TRERF1: variants seen among roughly 807,000 people sequenced by gnomAD.
The protein encoded by TRERF1 is transcriptional regulating factor 1.
In TRERF1, 27 loss-of-function variants were observed where a neutral mutation model predicts 122.9. That is an observed-to-expected ratio of 0.22 (90% CI 0.16 to 0.30). The LOEUF is 0.30. TRERF1 is among the 10% of genes least tolerant of loss of function. The probability of loss-of-function intolerance (pLI) is 1.00; values close to 1 mark genes in which losing one functional copy is unlikely to be tolerated. For missense variants in TRERF1, 1,248 were observed against 1,560.3 expected (o/e 0.80, Z 3.37); for synonymous variants, 636 against 641.7 (o/e 0.99, Z 0.13).
At chr6:42,352,094 TCCCAGGC>T (rs2150837257) in intron 3 of TRERF1, among the ~76,000 whole-genome samples, 1 of 152,240 alleles carries the variant, frequency 6.6e-6, no homozygotes, top group South Asian at 2.1e-4. Context: ...AGCCTCAACC[TCCCAGGC>T]TCAGGTGGTC....
rs1307084504 is a variant in TRERF1 at position 42,259,212 on chromosome 6, C to CGT, written c.2269+126_2269+127insAC. 2.4e-6 allele frequency: 3 copies of CGT among 1,264,254 alleles called. No individual in the cohort carries two copies. The highest frequency in any genetic ancestry group is 3.1e-6 in the Non-Finnish European group (3 of 958,820). 78.3% of individuals were successfully genotyped at this position (1,264,254 alleles called of 1,614,324 possible). ...CCAAGTCTTTCTTAACACCCAGCAG[C>CGT]GCGTGCTACATACAGCCAATACTCC... On this transcript the variant is annotated intron_variant, in intron 9 of 17. Coordinates refer to ENST00000372922, the Ensembl canonical transcript of TRERF1. The surrounding 1 kb of genome is among the most constrained non-coding windows in gnomAD (Gnocchi z 4.9).
intron 3 of TRERF1, among the ~76,000 whole-genome samples, chr6:42,357,630 C>A (rs1770854443): frequency 1.3e-5 from 2 of 152,188 alleles, no homozygotes; most frequent in Admixed American, 1.3e-4. Context: ...AGGAAGGCAA[C>A]CAACTTGCTT....
chr6:42,374,150 A>AAGAAGAAGAAGAAGAAGAAG (rs1554193491), intron 2 of TRERF1, among the ~76,000 whole-genome samples: 44 of 144,026 alleles, frequency 3.1e-4, no homozygotes, highest in African/African-American at 9.8e-4. Context: ...AAAAAAAAAA[A>AAGAAGAAGAAGAAGAAGAAG]AAGAAGAAGA....
intron 2 of TRERF1, among the ~76,000 whole-genome samples, chr6:42,411,929 G>A (rs1348263890): frequency 3.3e-5 from 5 of 151,796 alleles, no homozygotes; most frequent in Admixed American, 2.0e-4. Context: ...TGCAGACACC[G>A]TGGATTCTGT....
At position 42,315,935 on chromosome 6, in the gene TRERF1, G is replaced by A. The variant is rs769947931; in HGVS notation, c.-370-15186C>T. ...AGAGGACCCCCACACCTACCCTCAC[G>A]GTACCTGGAAGATGCACATGAGGAC... On this transcript the variant is annotated intron_variant, in intron 3 of 17. Coordinates refer to ENST00000372922, the Ensembl canonical transcript of TRERF1. 2.0e-5 allele frequency among the ~76,000 whole-genome samples: 3 copies of A among 152,196 alleles called. No individual in the cohort carries two copies. In the Middle Eastern group the frequency reaches 0.01, roughly 521 times the overall value.
rs182668211 is a variant in TRERF1 at position 42,400,474 on chromosome 6, C to T, written c.-453-37395G>A. 9.8e-5 allele frequency among the ~76,000 whole-genome samples: 15 copies of T among 152,332 alleles called. No homozygotes were observed. The East Asian group carries it at 2.7e-3, about 27-fold the overall frequency. On this transcript the variant is annotated intron_variant, in intron 2 of 17. Coordinates refer to ENST00000372922, the Ensembl canonical transcript of TRERF1. Reference sequence around the variant, plus strand: ...GGCACAAGCATTCACGATTGCTTGACACTGGCTTGCTTATTGGGGGTACAC... The same window carrying T: ...GGCACAAGCATTCACGATTGCTTGATACTGGCTTGCTTATTGGGGGTACAC...
chr6:42,286,755 C>T (rs1290979788), intron 4 of TRERF1, among the ~76,000 whole-genome samples: 4 of 128,212 alleles, frequency 3.1e-5, no homozygotes, highest in Non-Finnish European at 6.6e-5. Context: ...GGATCTAGAA[C>T]TGGAAATACC....
rs1357506065 is a variant in TRERF1 at position 42,393,068 on chromosome 6, C to T, written c.-453-29989G>A. Among the ~76,000 whole-genome samples the T allele has an allele frequency of 6.6e-6, 1 of 152,166 alleles. No homozygotes were observed. The highest frequency in any genetic ancestry group is 2.4e-5 in the African/African-American group (1 of 41,422). On this transcript the variant is annotated intron_variant, in intron 2 of 17. Coordinates refer to ENST00000372922, the Ensembl canonical transcript of TRERF1. The surrounding 1 kb of genome is among the most constrained non-coding windows in gnomAD (Gnocchi z 4.1). ...AAGAGACATGCACAGTTAACTCCCACGAGCTGGTGCGAGCCAGCTTCCACA... is the reference window on the plus strand; with the variant it reads ...AAGAGACATGCACAGTTAACTCCCATGAGCTGGTGCGAGCCAGCTTCCACA...
At chr6:42,376,997 C>T (rs1775005564) in intron 2 of TRERF1, among the ~76,000 whole-genome samples, 1 of 151,960 alleles carries the variant, frequency 6.6e-6, no homozygotes, top group Admixed American at 6.6e-5. Flanking sequence ...TCCCAAGTAG[C>T]TGGAATTACA....
chr6:42,246,566 A>AT (rs1437284541), intron 13 of TRERF1, 22 bp from the exon 14 acceptor site: 6 of 1,561,210 alleles, frequency 3.8e-6, no homozygotes, highest in Admixed American at 3.7e-5. Flanking sequence ...CACAAACATC[A>AT]TAAGAACAGC....
intron 4 of TRERF1, among the ~76,000 whole-genome samples, chr6:42,297,906 C>G (rs949938195): frequency 6.6e-6 from 1 of 152,078 alleles, no homozygotes; most frequent in African/African-American, 2.4e-5. Flanking sequence ...CCTGCAAGAA[C>G]TTCAGATTTG....
intron 4 of TRERF1, among the ~76,000 whole-genome samples, chr6:42,295,801 T>C (rs576662764): frequency 1.3e-5 from 2 of 152,284 alleles, no homozygotes; most frequent in East Asian, 3.9e-4. Context: ...CATTCTTTTA[T>C]AGTACTTGCC....
chr6:42,301,444 G>C (rs1381600922), intron 3 of TRERF1, among the ~76,000 whole-genome samples: 1 of 152,194 alleles, frequency 6.6e-6, no homozygotes, highest in Non-Finnish European at 1.5e-5. Flanking sequence ...TGGCCAGGCT[G>C]GTCTTGCACT....
chr6:42,312,717 GA>G (rs1761887919), intron 3 of TRERF1, among the ~76,000 whole-genome samples: 2 of 152,184 alleles, frequency 1.3e-5, no homozygotes, highest in South Asian at 4.1e-4. Flanking sequence ...TTTACCCATG[GA>G]AAGGGGCTTC....
At chr6:42,440,388 A>G (rs905007563) in intron 2 of TRERF1, among the ~76,000 whole-genome samples, 1 of 152,196 alleles carries the variant, frequency 6.6e-6, no homozygotes, top group African/African-American at 2.4e-5. Flanking sequence ...GTCCTTAAAC[A>G]AGTTGCTGAA....
intron 2 of TRERF1, among the ~76,000 whole-genome samples, chr6:42,424,172 G>A (rs1783265347): frequency 1.3e-5 from 2 of 152,176 alleles, no homozygotes; most frequent in Non-Finnish European, 2.9e-5. Context: ...TATGAAGAGT[G>A]CTACTAGGAA....
At chr6:42,328,575 C>G (rs1316206803) in intron 3 of TRERF1, among the ~76,000 whole-genome samples, 1 of 152,156 alleles carries the variant, frequency 6.6e-6, no homozygotes, top group African/African-American at 2.4e-5. Flanking sequence ...TTAGCTCTCA[C>G]TTTCATGTGA....
At chr6:42,270,768 CTTTTTT>C (rs1175342905) in intron 4 of TRERF1, among the ~76,000 whole-genome samples, 1 of 119,620 alleles carries the variant, frequency 8.4e-6, no homozygotes, top group African/African-American at 3.0e-5. Flanking sequence ...GACCTCATCT[CTTTTTT>C]TTTTTTTTTT....
chr6:42,378,962 A>T (rs182054392), intron 2 of TRERF1, among the ~76,000 whole-genome samples: 87 of 149,756 alleles, frequency 5.8e-4, no homozygotes, highest in African/African-American at 1.7e-3. Flanking sequence ...CTAAAAATTT[A>T]AAAAAAAATA....
Sources: allele counts gnomAD v4.1 joint callset (sites outside exome capture counted in the v4.1 genomes callset), GRCh38; gene constraint gnomAD v4.1.1; non-coding constraint Gnocchi (gnomAD v3.1); transcripts MANE v1.5; gene names NCBI Gene and HGNC (gene_info 2026-07-23, HGNC 2026-07-21).